The following LRMDA variants were observed in gnomAD, a reference collection of about 807,000 sequenced individuals.
The protein encoded by LRMDA is leucine rich melanocyte differentiation associated.
Under a neutral mutation model 29.8 loss-of-function variants are expected in LRMDA, and 18 were observed. The ratio of observed to expected loss-of-function variants is 0.60; its 90% CI spans 0.42 to 0.90. The LOEUF is 0.90. Ranked by LOEUF, LRMDA falls within the 40% of genes least tolerant of loss-of-function variation. The probability of loss-of-function intolerance (pLI) is 0.00; values close to 1 mark genes in which losing one functional copy is unlikely to be tolerated. For synonymous variants in LRMDA, 125 were observed against 109.4 expected (o/e 1.14, Z -0.89); for missense variants, 273 against 273.9 (o/e 1.00, Z 0.02).
chr10:75,991,216 G>T (rs902366716), intron 2 of LRMDA, among the ~76,000 whole-genome samples: 1 of 152,158 alleles, frequency 6.6e-6, no homozygotes, highest in Non-Finnish European at 1.5e-5. Flanking sequence ...TGGTGTGTGT[G>T]CATAATTGCT....
intron 2 of LRMDA, among the ~76,000 whole-genome samples, chr10:76,035,493 T>C (rs72813546): frequency 0.012 from 1,857 of 152,144 alleles, 20 homozygotes; most frequent in South Asian, 0.022. Flanking sequence ...GCCTTCCCTG[T>C]CGTTTCCCCC....
chr10:75,466,093 T>TG (rs571536284), intron 2 of LRMDA, among the ~76,000 whole-genome samples: 200 of 152,300 alleles, frequency 1.3e-3, no homozygotes, highest in Non-Finnish European at 2.4e-3. Flanking sequence ...GAAAATCATT[T>TG]GGGGGCTAGG....
intron 2 of LRMDA, among the ~76,000 whole-genome samples, chr10:75,957,425 G>A (rs112957556): frequency 9.2e-5 from 14 of 152,328 alleles, no homozygotes; most frequent in African/African-American, 2.9e-4. Flanking sequence ...GAGTACCGAG[G>A]CATTGCAGAT....
chr10:76,259,881 T>C (rs549833590), intron 5 of LRMDA, among the ~76,000 whole-genome samples: 2 of 152,314 alleles, frequency 1.3e-5, no homozygotes, highest in African/African-American at 4.8e-5. Flanking sequence ...TTTTGTCTGA[T>C]ATAAGTGTAG....
At chr10:75,980,263 G>T (rs1847143126) in intron 2 of LRMDA, among the ~76,000 whole-genome samples, 1 of 152,166 alleles carries the variant, frequency 6.6e-6, no homozygotes, top group African/African-American at 2.4e-5. Flanking sequence ...TGACAAAAAT[G>T]GGACACTGAG....
At chr10:76,191,329 C>T (rs1489435614) in intron 5 of LRMDA, among the ~76,000 whole-genome samples, 2 of 152,126 alleles carry the variant, frequency 1.3e-5, no homozygotes, top group South Asian at 2.1e-4. Context: ...GTGTCCCCTC[C>T]CCATTTTCCT....
At chr10:75,502,048 C>T (rs1845119614) in intron 2 of LRMDA, among the ~76,000 whole-genome samples, 1 of 152,144 alleles carries the variant, frequency 6.6e-6, no homozygotes, top group Admixed American at 6.5e-5. Context: ...ATTCAGGGGC[C>T]CAGGCTGTGT....
At position 76,559,378 on chromosome 10, in the gene LRMDA, G is replaced by T. The variant is rs1843597857; in HGVS notation, c.*2090G>T. 1 of 151,856 alleles carries T rather than the reference G, an allele frequency of 6.6e-6. No homozygotes were observed. The highest frequency in any genetic ancestry group is 2.1e-4 in the South Asian group (1 of 4,796). 9.4% of individuals were successfully genotyped at this position (151,856 alleles called of 1,614,324 possible). A position where few individuals can be genotyped will look rare whatever the true frequency, so the allele number is the denominator to read the frequency against. On this transcript the variant is annotated 3_prime_UTR_variant, in exon 7 of 7. Transcript: ENST00000611255. ...TGACCACATTGTTTCCCTCTCTTTG[G>T]GTTGTTTATTTTCTTCCAGAATGGT...
At chr10:75,705,225 A>T (rs1189773709) in intron 2 of LRMDA, among the ~76,000 whole-genome samples, 2 of 152,190 alleles carry the variant, frequency 1.3e-5, no homozygotes, top group African/African-American at 4.8e-5. Context: ...TCAAAGTATC[A>T]GCAATGGTGT....
intron 2 of LRMDA, among the ~76,000 whole-genome samples, chr10:75,565,437 G>T (rs1840359556): frequency 6.6e-6 from 1 of 152,208 alleles, no homozygotes; most frequent in South Asian, 2.1e-4. Context: ...CAGTTTGACT[G>T]CATCAGTGAG....
chr10:75,882,252 T>A (rs1845307409), intron 2 of LRMDA, among the ~76,000 whole-genome samples: 2 of 152,182 alleles, frequency 1.3e-5, no homozygotes, highest in South Asian at 2.1e-4. Context: ...TTATTTTTTT[T>A]AAATGTGAAA....
intron 5 of LRMDA, among the ~76,000 whole-genome samples, chr10:76,247,534 C>G (rs1354689277): frequency 6.6e-6 from 1 of 152,142 alleles, no homozygotes; most frequent in Admixed American, 6.5e-5. Context: ...AATACTCTGG[C>G]TAGAAAAGTA....
chr10:75,727,654 G>A (rs137949599), intron 2 of LRMDA, among the ~76,000 whole-genome samples: 26 of 152,218 alleles, frequency 1.7e-4, no homozygotes, highest in African/African-American at 6.3e-4. Context: ...TATGATTTTA[G>A]CAAGTTATTT....
chr10:76,342,648 C>T (rs996283445), intron 6 of LRMDA, among the ~76,000 whole-genome samples: 1 of 151,140 alleles, frequency 6.6e-6, no homozygotes, highest in African/African-American at 2.4e-5. Flanking sequence ...TGCAAATATA[C>T]AAAATAAAAA....
chr10:76,408,197 T>C (rs1388604498), intron 6 of LRMDA, among the ~76,000 whole-genome samples: 1 of 152,122 alleles, frequency 6.6e-6, no homozygotes, highest in Admixed American at 6.6e-5. Flanking sequence ...TCTCATTCCG[T>C]GGTTATTTGA....
intron 2 of LRMDA, among the ~76,000 whole-genome samples, chr10:75,662,342 C>T (rs564813688): frequency 1.3e-5 from 2 of 152,218 alleles, no homozygotes; most frequent in South Asian, 2.1e-4. Context: ...AGATCATAGA[C>T]GGATGCTACT....
intron 5 of LRMDA, among the ~76,000 whole-genome samples, chr10:76,244,481 C>T (rs554819634): frequency 9.1e-4 from 139 of 152,196 alleles, no homozygotes; most frequent in Non-Finnish European, 1.6e-3. Context: ...GGTGTTTTTG[C>T]GGCAGTTGGG....
At chr10:75,669,206 G>A (rs1284377433) in intron 2 of LRMDA, among the ~76,000 whole-genome samples, 1 of 152,186 alleles carries the variant, frequency 6.6e-6, no homozygotes, top group Non-Finnish European at 1.5e-5. Context: ...GAGGGTATGA[G>A]TTTGCTTTAA....
intron 3 of LRMDA, among the ~76,000 whole-genome samples, chr10:76,042,782 C>T (rs547725700): frequency 2.9e-4 from 44 of 151,950 alleles, no homozygotes; most frequent in Non-Finnish European, 6.0e-4. Context: ...CATGGTTGAT[C>T]GAAAATTGAT....
Sources: allele counts gnomAD v4.1 joint callset (sites outside exome capture counted in the v4.1 genomes callset), GRCh38; gene constraint gnomAD v4.1.1; transcripts MANE v1.5; gene names NCBI Gene and HGNC (gene_info 2026-07-23, HGNC 2026-07-21).